RBMS3: variants seen among roughly 807,000 people sequenced by gnomAD.
The protein encoded by RBMS3 is RNA binding motif single stranded interacting protein 3.
A neutral mutation model predicts 66.8 loss-of-function variants in RBMS3; 27 were observed. The ratio of observed to expected loss-of-function variants is 0.40; its 90% CI spans 0.30 to 0.56. The LOEUF (loss-of-function observed/expected upper bound fraction) is 0.56, where lower values mean the gene tolerates loss of function less well. Among genes scored for constraint, RBMS3 ranks in the 20% least tolerant of loss-of-function variants. The pLI is 0.40. For synonymous variants in RBMS3, 188 were observed against 183.0 expected (o/e 1.03, Z -0.22); for missense variants, 513 against 549.5 (o/e 0.93, Z 0.66).
chr3:29,323,785 A>G (rs911795473), intron 1 of RBMS3, among the ~76,000 whole-genome samples: 13 of 152,126 alleles, frequency 8.5e-5, no homozygotes, highest in East Asian at 1.9e-4. Context: ...ATCTCTTCAT[A>G]TAATTCACAC....
intron 12 of RBMS3, among the ~76,000 whole-genome samples, chr3:29,966,283 A>G (rs2149748372): frequency 6.6e-6 from 1 of 152,218 alleles, no homozygotes; most frequent in East Asian, 1.9e-4. Flanking sequence ...GATTTTGTGG[A>G]ATTTGAATAC....
intron 4 of RBMS3, among the ~76,000 whole-genome samples, chr3:29,612,906 T>A (rs569185567): frequency 6.6e-6 from 1 of 152,118 alleles, no homozygotes; most frequent in Non-Finnish European, 1.5e-5. Flanking sequence ...TAAAATTGCA[T>A]AGGTATCATA....
chr3:29,384,202 A>G (rs1013458644), intron 1 of RBMS3, among the ~76,000 whole-genome samples: 3 of 151,938 alleles, frequency 2.0e-5, no homozygotes, highest in Admixed American at 6.6e-5. Context: ...CATAGTCTCA[A>G]CTAATAGGGA....
Position 29,730,095 on chromosome 3 carries a change from G to T in RBMS3, c.400-9625G>T, listed in dbSNP as rs574365164. Among the ~76,000 whole-genome samples the T allele has an allele frequency of 2.6e-5, 4 of 151,870 alleles. No individual in the cohort carries two copies. In the South Asian group the frequency reaches 8.3e-4, roughly 32 times the overall value. ...ATAGTTTATATAAAATGATATTAAT[G>T]TTAATCTTATATGGCAATGGATAAT... is the stretch of plus-strand genomic sequence containing the variant. On this transcript the variant is annotated intron_variant, in intron 4 of 14. Coordinates refer to ENST00000383767, the MANE Select transcript of RBMS3 (RefSeq NM_001003793.3).
At chr3:29,488,963 G>A (rs1384776267) in intron 3 of RBMS3, among the ~76,000 whole-genome samples, 1 of 152,210 alleles carries the variant, frequency 6.6e-6, no homozygotes, top group Non-Finnish European at 1.5e-5. Flanking sequence ...GCATCTCAGG[G>A]ATTTCAGAGT....
chr3:29,709,856 T>A (rs2053083374), intron 4 of RBMS3, among the ~76,000 whole-genome samples: 1 of 152,230 alleles, frequency 6.6e-6, no homozygotes, highest in Non-Finnish European at 1.5e-5. Flanking sequence ...ATCATAGAGA[T>A]AAAGCGTTAT....
intron 10 of RBMS3, among the ~76,000 whole-genome samples, chr3:29,903,490 G>A (rs968345173): frequency 1.3e-5 from 2 of 151,930 alleles, no homozygotes; most frequent in Admixed American, 6.6e-5. Flanking sequence ...AATAGTTGAT[G>A]GATTGCACCA....
chr3:29,641,681 T>G (rs2049721782), intron 4 of RBMS3, among the ~76,000 whole-genome samples: 1 of 152,078 alleles, frequency 6.6e-6, no homozygotes, highest in South Asian at 2.1e-4. Flanking sequence ...TTGTATACTG[T>G]ATGAACATTT....
At chr3:29,355,715 G>A (rs1201054213) in intron 1 of RBMS3, among the ~76,000 whole-genome samples, 1 of 152,060 alleles carries the variant, frequency 6.6e-6, no homozygotes, top group Non-Finnish European at 1.5e-5. Flanking sequence ...TTTCCAAAAT[G>A]AGGGGAAAAG....
At chr3:29,898,565 G>T (rs1434788466) in intron 9 of RBMS3, among the ~76,000 whole-genome samples, 2 of 151,364 alleles carry the variant, frequency 1.3e-5, no homozygotes. Flanking sequence ...TTCTTTTTCT[G>T]CACTCAGATT....
At chr3:29,906,767 A>G (rs899860597) in intron 10 of RBMS3, among the ~76,000 whole-genome samples, 5 of 152,122 alleles carry the variant, frequency 3.3e-5, no homozygotes, top group Non-Finnish European at 1.5e-5. Flanking sequence ...ATCTAATGTT[A>G]CATGTTTCCA....
intron 6 of RBMS3, among the ~76,000 whole-genome samples, chr3:29,771,713 G>A (rs2056209402): frequency 6.6e-6 from 1 of 151,994 alleles, no homozygotes; most frequent in Non-Finnish European, 1.5e-5. Flanking sequence ...GTTCCACAGG[G>A]TGTATAGGAA....
chr3:29,459,171 C>A (rs994683846), intron 2 of RBMS3, among the ~76,000 whole-genome samples: 1 of 152,156 alleles, frequency 6.6e-6, no homozygotes, highest in African/African-American at 2.4e-5. Flanking sequence ...TTCCAAGATT[C>A]ATTGATAAAC....
chr3:29,477,680 G>A (rs770025027), intron 2 of RBMS3, among the ~76,000 whole-genome samples: 29 of 149,484 alleles, frequency 1.9e-4, no homozygotes, highest in Non-Finnish European at 3.7e-4. Context: ...AGCTACTTGG[G>A]GATGAGAAAA....
intron 3 of RBMS3, among the ~76,000 whole-genome samples, chr3:29,534,899 T>C (rs535500994): frequency 6.6e-6 from 1 of 152,152 alleles, no homozygotes; most frequent in South Asian, 2.1e-4. Context: ...AGATTATTGA[T>C]TAAATGGAGT....
chr3:30,003,802 T>G (rs1699718428), intron 14 of RBMS3, 54 bp from the exon 15 acceptor site: 1 of 1,291,272 alleles, frequency 7.7e-7, no homozygotes, highest in Non-Finnish European at 1.0e-6. Context: ...GCACAGAAGG[T>G]GATTTCAAAG....
intron 14 of RBMS3, among the ~76,000 whole-genome samples, chr3:29,999,673 C>T (rs565850316): frequency 2.0e-5 from 3 of 152,082 alleles, no homozygotes; most frequent in South Asian, 2.1e-4. Context: ...AAACCAAATA[C>T]TGCATGTTCT....
At chr3:29,843,362 G>A (rs150740470) in intron 6 of RBMS3, among the ~76,000 whole-genome samples, 86 of 152,198 alleles carry the variant, frequency 5.7e-4, no homozygotes, top group Non-Finnish European at 1.0e-3. Context: ...TAGAGATAGC[G>A]GATCATATAG....
At chr3:29,923,114 C>T (rs2060837365) in intron 10 of RBMS3, among the ~76,000 whole-genome samples, 1 of 152,180 alleles carries the variant, frequency 6.6e-6, no homozygotes, top group Non-Finnish European at 1.5e-5. Context: ...TCCCTTGTAA[C>T]ATACATCATA....
Sources: gnomAD v4.1 joint callset for allele counts (sites outside exome capture counted in the v4.1 genomes callset) on GRCh38, gnomAD v4.1.1 for gene constraint, MANE v1.5 for transcripts, NCBI Gene and HGNC (gene_info 2026-07-23, HGNC 2026-07-21) for gene names.